HSPG2: variants seen among roughly 807,000 people sequenced by gnomAD.
HSPG2 encodes heparan sulfate proteoglycan 2, also known as basement membrane-specific heparan sulfate proteoglycan core protein.
In HSPG2, 278 loss-of-function variants were observed where a neutral mutation model predicts 526.6. That is an observed-to-expected ratio of 0.53 (90% confidence interval 0.48 to 0.58). HSPG2 has a LOEUF of 0.58. HSPG2 is among the 20% of genes least tolerant of loss of function. The pLI is 0.00. For synonymous variants in HSPG2, 2,465 were observed against 2,555.4 expected (o/e 0.96, Z 1.07); for missense variants, 5,354 against 6,099.5 (o/e 0.88, Z 4.07).
At chr1:21,878,334 C>A in intron 20 of HSPG2, 81 bp from the exon 21 acceptor site, 1 of 1,583,906 alleles carries the variant, frequency 6.3e-7, no homozygotes. Context: ...CAGTGGCTCC[C>A]CAAGGTTCAT....
chr1:21,836,363 C>T (rs1257713917), intron 75 of HSPG2, among the ~76,000 whole-genome samples: 1 of 152,140 alleles, frequency 6.6e-6, no homozygotes, highest in East Asian at 1.9e-4. Context: ...CTCTTGTCAC[C>T]CAGGTTGGAG....
intron 33 of HSPG2, among the ~76,000 whole-genome samples, chr1:21,868,644 C>T (rs557607164): frequency 6.6e-6 from 1 of 152,270 alleles, no homozygotes; most frequent in East Asian, 1.9e-4. Context: ...CCCTCCCAGG[C>T]GAGACAGCTC....
At chr1:21,825,544 C>G (rs1440710467) in intron 91 of HSPG2, among the ~76,000 whole-genome samples, 4 of 152,184 alleles carry the variant, frequency 2.6e-5, no homozygotes, top group Non-Finnish European at 5.9e-5. Flanking sequence ...CCACACCCCC[C>G]CAGCCCTATC....
In HSPG2 at chr1:21,844,134, T is replaced by C. The variant is rs148866766; in HGVS notation, c.8616+14A>G. ...GGTGTGGAGGATGCATGCATCCTTC[T>C]CCAGCTCCTTTACCTGGTGCCGGGC... is the stretch of plus-strand genomic sequence containing the variant. On this transcript the variant is annotated intron_variant, in intron 65 of 96. Transcript: ENST00000374695. The C allele has an allele frequency of 3.5e-5, 56 of 1,612,418 alleles. No individual in the cohort carries two copies. In the East Asian group the frequency reaches 6.7e-4, roughly 19 times the overall value.
chr1:21,878,420 C>G lies in HSPG2; in HGVS notation c.2617+13G>C. 6.3e-7 allele frequency: 1 copy of G among 1,598,406 alleles called. No individual in the cohort carries two copies. The highest frequency in any genetic ancestry group is 8.5e-7 in the Non-Finnish European group (1 of 1,170,928). ...GGAGGTGGGTGTCAGGGGATGGTGG[C>G]AGCCATACTCACTGACGGGCCTGCA... On this transcript the variant is annotated intron_variant, in intron 20 of 96. Transcript: ENST00000374695.
intron 33 of HSPG2, among the ~76,000 whole-genome samples, chr1:21,866,328 C>T (rs972872679): frequency 3.3e-5 from 5 of 152,172 alleles, no homozygotes; most frequent in African/African-American, 7.2e-5. Flanking sequence ...TCCGCACATG[C>T]AGACCATGTG....
At chr1:21,869,518 G>T in intron 33 of HSPG2, 1 of 987,960 alleles carries the variant, frequency 1.0e-6, no homozygotes, top group Non-Finnish European at 1.2e-6. Flanking sequence ...GGAGGAGGAG[G>T]AAGAAGAAGG....
chr1:21,872,636 G>A lies in HSPG2; in HGVS notation c.4013C>T (p.Ala1338Val), dbSNP rs747530563. 2 of 1,591,026 alleles carry A rather than the reference G, an allele frequency of 1.3e-6. No homozygotes were observed. The highest frequency in any genetic ancestry group is 1.7e-6 in the Non-Finnish European group (2 of 1,170,474). The change falls in exon 32 of 97, where the codon GCC (alanine) becomes GTC (valine). Residue 1338 changes from alanine to valine, a missense_variant. Ala to Val is a moderately conservative substitution (Grantham distance 64). Coordinates refer to ENST00000374695, the MANE Select transcript of HSPG2 (RefSeq NM_005529.7). The surrounding 1 kb of genome is among the most constrained non-coding windows in gnomAD (Gnocchi z 5.5). The stretch of plus-strand genomic sequence containing the variant: ...GGCTCTCACCAGGTGGCGTGTGTAG[G>A]CAGAGCTGGCGCACTGCTGGGTGAT... ...MGITQQCASSAYTRHLISTHF... is the reference protein window; with the variant it reads ...MGITQQCASSVYTRHLISTHF...
chr1:21,885,044 G>A lies in HSPG2; in HGVS notation c.1324C>T (p.Leu442Phe), dbSNP rs1356686122. ...TGAGAGGGGATGTGGCCCCAGTTGA[G>A]CCTCCAATTGATGATGGGGGTGGGG... ...GVPTPIINWRLNWGHIPSHPR... is the reference protein window; with the variant it reads ...GVPTPIINWRFNWGHIPSHPR... The change falls in exon 11 of 97, where the codon CTC becomes TTC. Residue 442 changes from leucine to phenylalanine, a missense_variant. Leu to Phe is a conservative substitution (Grantham distance 22, BLOSUM62 0). Transcript: ENST00000374695. 1.2e-5 allele frequency: 20 copies of A among 1,613,852 alleles called. No individual in the cohort carries two copies. Among genetic ancestry groups the A allele is most frequent in the Admixed American group, 3.3e-5 (2 of 60,006 alleles).
chr1:21,871,733 G>A (rs1640665416), intron 33 of HSPG2, among the ~76,000 whole-genome samples: 1 of 152,202 alleles, frequency 6.6e-6, no homozygotes, highest in Admixed American at 6.5e-5. Context: ...ATGCTGCCTA[G>A]CACATAGTGA....
intron 13 of HSPG2, among the ~76,000 whole-genome samples, chr1:21,882,232 G>A (rs775184398): frequency 6.6e-6 from 1 of 152,192 alleles, no homozygotes; most frequent in East Asian, 1.9e-4. Flanking sequence ...CCAAGTCCAG[G>A]TGTGTTGTAA....
At chr1:21,879,674 A>G (rs1641352266) in intron 17 of HSPG2, among the ~76,000 whole-genome samples, 1 of 149,992 alleles carries the variant, frequency 6.7e-6, no homozygotes, top group Non-Finnish European at 1.5e-5. Context: ...TTTTTCTGAG[A>G]CTGAGTCTTG....
In HSPG2 at chr1:21,859,848, C is replaced by T. The variant is rs370945100; in HGVS notation, c.5169G>A (p.Gln1723=). Residue 1723 remains glutamine (Q), a synonymous_variant, in exon 41 of 97, where the codon CAG becomes CAA. Coordinates refer to ENST00000374695, the MANE Select transcript of HSPG2 (RefSeq NM_005529.7). This position sits in a 1 kb window ranked among gnomAD's most constrained non-coding sequence, Gnocchi z 5.3. The part of the protein sequence containing the change: ...EDGRPVPSGT[Q]QRHQGSELHF... ...GGCCATGGGTACCTTGATGTCGCTGCTGGGTGCCGCTGGGCACAGGCCGCC... is the reference window on the plus strand; with the variant it reads ...GGCCATGGGTACCTTGATGTCGCTGTTGGGTGCCGCTGGGCACAGGCCGCC... 8 of 1,611,394 alleles carry T rather than the reference C, an allele frequency of 5.0e-6. No individual in the cohort carries two copies. Among genetic ancestry groups the T allele is most frequent in the Non-Finnish European group, 5.9e-6 (7 of 1,179,640 alleles).
chr1:21,897,891 A>G (rs2152775135), intron 1 of HSPG2, among the ~76,000 whole-genome samples: 1 of 152,272 alleles, frequency 6.6e-6, no homozygotes, highest in East Asian at 1.9e-4. Context: ...AAGGATGACT[A>G]GAAAGAAACT....
intron 26 of HSPG2, 23 bp downstream of exon 26, chr1:21,874,868 C>G (rs576838081): frequency 6.3e-7 from 1 of 1,587,860 alleles, no homozygotes; most frequent in African/African-American, 1.3e-5. Flanking sequence ...GCTGGCTGGG[C>G]TGGCGTGGGG....
intron 70 of HSPG2, 104 bp from the exon 71 acceptor site, chr1:21,841,389 C>T: frequency 6.4e-7 from 1 of 1,558,922 alleles, no homozygotes; most frequent in Non-Finnish European, 8.8e-7. Flanking sequence ...CACCTGTCTC[C>T]CCACTGCACT....
At chr1:21,911,672 G>A (rs34215629) in intron 1 of HSPG2, among the ~76,000 whole-genome samples, 1,696 of 152,306 alleles carry the variant, frequency 0.011, 19 homozygotes, top group South Asian at 0.022. Context: ...GCCCCCGTGG[G>A]GAGGTGCAGG....
intron 77 of HSPG2, 72 bp downstream of exon 77, chr1:21,834,607 G>A (rs771356125): frequency 9.6e-6 from 15 of 1,554,864 alleles, no homozygotes; most frequent in Non-Finnish European, 1.3e-5. Context: ...GAGCGGGCAG[G>A]CAGAAGATGG....
chr1:21,873,344 C>T (rs764286919), intron 30 of HSPG2, 31 bp downstream of exon 30: 10 of 1,613,650 alleles, frequency 6.2e-6, no homozygotes, highest in Admixed American at 1.7e-5. Flanking sequence ...CTGGGTAACC[C>T]GACCCCAATG....
Sources: allele counts gnomAD v4.1 joint callset (sites outside exome capture counted in the v4.1 genomes callset), GRCh38; gene constraint gnomAD v4.1.1; non-coding constraint Gnocchi (gnomAD v3.1); transcripts MANE v1.5; gene names NCBI Gene and HGNC (gene_info 2026-07-23, HGNC 2026-07-21).